Variants in EP300 observed in about 807,000 individuals in gnomAD.
EP300 encodes the protein histone acetyltransferase p300.
EP300 carries 31 observed loss-of-function variants against 264.0 expected under a neutral mutation model. The observed-to-expected ratio is 0.12, with a 90% CI of 0.09 to 0.16. The LOEUF (loss-of-function observed/expected upper bound fraction) is 0.16, where lower values mean the gene tolerates loss of function less well. EP300 is among the 10% of genes least tolerant of loss of function. EP300 has a pLI of 1.00. For synonymous variants in EP300, 1,340 were observed against 1,045.4 expected (o/e 1.28, Z -5.44); for missense variants, 2,766 against 3,052.9 (o/e 0.91, Z 2.21).
intron 5 of EP300, among the ~76,000 whole-genome samples, chr22:41,131,037 G>A (rs2058916009): frequency 6.6e-6 from 1 of 152,210 alleles, no homozygotes; most frequent in African/African-American, 2.4e-5. Flanking sequence ...CTATTAAGAA[G>A]AGAAATAAGG....
At position 41,125,926 on chromosome 22, in the gene EP300, G is replaced by C. The variant is rs1188127391; in HGVS notation, c.792G>C (p.Gln264His). The stretch of plus-strand genomic sequence containing the variant: ...CATATACTCAGAATCCTGGACAGCA[G>C]ATTGGAGCCAGTGGCCTTGGTCTCC... ...GSPYTQNPGQ[Q>H]IGASGLGLQI... The change falls in exon 3 of 31, where the codon CAG (glutamine) becomes CAC (histidine). Residue 264 changes from glutamine to histidine, a missense_variant. Transcript: ENST00000263253. 2.5e-6 allele frequency: 4 copies of C among 1,614,172 alleles called. No individual in the cohort carries two copies. Among genetic ancestry groups the C allele is most frequent in the Non-Finnish European group, 2.5e-6 (3 of 1,180,024 alleles).
At chr22:41,132,687 A>G (rs576963476) in intron 6 of EP300, among the ~76,000 whole-genome samples, 1 of 152,252 alleles carries the variant, frequency 6.6e-6, no homozygotes, top group Non-Finnish European at 1.5e-5. Context: ...TTGGGCTGAA[A>G]CATATAGAAA....
At chr22:41,173,500 A>C (rs2059182502) in intron 28 of EP300, 123 bp from the exon 29 acceptor site, 1 of 1,005,152 alleles carries the variant, frequency 9.9e-7, no homozygotes, top group East Asian at 2.6e-5. Flanking sequence ...GAGAACAGCT[A>C]GTAAAATAAG....
At chr22:41,093,169 ATT>A in intron 1 of EP300, 71 bp downstream of exon 1, 1 of 1,348,962 alleles carries the variant, frequency 7.4e-7, no homozygotes, top group Non-Finnish European at 1.0e-6. Flanking sequence ...TTATTCTTCC[ATT>A]TTTTTTTTCT....
chr22:41,140,332 A>G, intron 9 of EP300, 75 bp downstream of exon 9: 1 of 984,528 alleles, frequency 1.0e-6, no homozygotes, highest in Non-Finnish European at 1.6e-6. Context: ...TTTAGCATGT[A>G]CAAGTAGTAC....
intron 10 of EP300, among the ~76,000 whole-genome samples, chr22:41,142,962 C>G (rs957942908): frequency 1.3e-5 from 2 of 151,892 alleles, no homozygotes; most frequent in Non-Finnish European, 2.9e-5. Flanking sequence ...AAGTTCTGAG[C>G]CAAGTTTAAA....
chr22:41,150,611 G>A (rs1052569970), intron 14 of EP300, among the ~76,000 whole-genome samples: 1 of 152,028 alleles, frequency 6.6e-6, no homozygotes, highest in Non-Finnish European at 1.5e-5. Flanking sequence ...AGATTTGGAC[G>A]GGCGCGGTGG....
At chr22:41,109,739 C>T (rs1170410891) in intron 1 of EP300, among the ~76,000 whole-genome samples, 3 of 150,256 alleles carry the variant, frequency 2.0e-5, no homozygotes, top group African/African-American at 4.9e-5. Context: ...GGGAGGAGGA[C>T]GGGAACGGAT....
intron 10 of EP300, among the ~76,000 whole-genome samples, chr22:41,145,975 G>C (rs1277169358): frequency 6.6e-6 from 1 of 152,010 alleles, no homozygotes; most frequent in African/African-American, 2.4e-5. Context: ...GATATGTAGT[G>C]TGGTATAATA....
intron 1 of EP300, among the ~76,000 whole-genome samples, chr22:41,094,001 T>G (rs1569078100): frequency 6.6e-6 from 1 of 152,226 alleles, no homozygotes; most frequent in Non-Finnish European, 1.5e-5. Flanking sequence ...TAAACATACT[T>G]GGAGATCAAG....
intron 8 of EP300, among the ~76,000 whole-genome samples, chr22:41,139,738 T>A (rs2058971122): frequency 6.6e-6 from 1 of 152,210 alleles, no homozygotes; most frequent in Admixed American, 6.5e-5. Flanking sequence ...ACAGTTCAAG[T>A]TTTTGATGTT....
chr22:41,092,851 A>G lies in EP300; in HGVS notation c.-154A>G, dbSNP rs2058680543. The G allele has an allele frequency of 2.4e-6, 2 of 825,864 alleles. No individual in the cohort carries two copies. Among genetic ancestry groups the G allele is most frequent in the African/African-American group, 3.4e-5 (2 of 59,104 alleles). The allele number at this position is 825,864 out of a possible 1,614,324, so 51.2% of individuals were successfully genotyped here. On this transcript the variant is annotated 5_prime_UTR_variant, in exon 1 of 31. Transcript: ENST00000263253. ...TCCGCATCCCTCTCCAGCCACTGCG[A>G]CCCGGCGAAGAGAAAAAGGAACTTC...
chr22:41,158,542 T>C (rs934254494), intron 19 of EP300, 42 bp downstream of exon 19: 1 of 1,533,700 alleles, frequency 6.5e-7, no homozygotes, highest in Admixed American at 1.7e-5. Context: ...TGTGTCCACA[T>C]GTCCAGGGAG....
intron 6 of EP300, 68 bp downstream of exon 6, chr22:41,131,701 T>C (rs1222455088): frequency 2.6e-5 from 41 of 1,604,710 alleles, no homozygotes; most frequent in Non-Finnish European, 3.5e-5. Context: ...AAACACAGTG[T>C]TGTTAGCTCC....
At chr22:41,112,729 T>G (rs1456252284) in intron 1 of EP300, among the ~76,000 whole-genome samples, 1 of 151,788 alleles carries the variant, frequency 6.6e-6, no homozygotes, top group East Asian at 1.9e-4. Context: ...TTTAGAAGTA[T>G]TTGTGTTAGC....
At chr22:41,152,958 G>A (rs1275109229) in intron 16 of EP300, among the ~76,000 whole-genome samples, 1 of 151,992 alleles carries the variant, frequency 6.6e-6, no homozygotes, top group Non-Finnish European at 1.5e-5. Flanking sequence ...GGATTTCACC[G>A]TGTTGGCCAG....
rs752867309 is a variant in EP300, at chr22:41,146,826, GA to G, written c.2131+17del. ...ATAACTCCACAATCTGGTAAATAGT[GA>G]AAAAAATTTTTTTATTTTAAAAGAA... On this transcript the variant is annotated intron_variant, in intron 11 of 30. Coordinates refer to ENST00000263253, the MANE Select transcript of EP300 (RefSeq NM_001429.4). 4.3e-6 allele frequency: 7 copies of G among 1,612,502 alleles called. No homozygotes were observed. Among genetic ancestry groups the G allele is most frequent in the South Asian group, 2.2e-5 (2 of 90,962 alleles).
chr22:41,115,934 A>G (rs1196135748), intron 1 of EP300, among the ~76,000 whole-genome samples: 3 of 152,258 alleles, frequency 2.0e-5, no homozygotes, highest in African/African-American at 7.2e-5. Flanking sequence ...TGAGTGTTCC[A>G]CAAATGACAG....
intron 1 of EP300, among the ~76,000 whole-genome samples, chr22:41,110,094 C>T (rs1032789803): frequency 6.9e-6 from 1 of 145,204 alleles, no homozygotes; most frequent in Non-Finnish European, 1.5e-5. Context: ...CAGGTGTGAC[C>T]CACTGTGCCC....
Sources: allele counts gnomAD v4.1 joint callset (sites outside exome capture counted in the v4.1 genomes callset), GRCh38; gene constraint gnomAD v4.1.1; transcripts MANE v1.5; gene names NCBI Gene and HGNC (gene_info 2026-07-23, HGNC 2026-07-21).